Variants in PLD5 observed in about 807,000 individuals in gnomAD.
PLD5 encodes the protein inactive phospholipase D5.
Under a neutral mutation model 61.1 loss-of-function variants are expected in PLD5, and 36 were observed. The observed-to-expected ratio is 0.59, with a 90% CI of 0.45 to 0.78. PLD5 has a LOEUF of 0.78. Ranked by LOEUF, PLD5 falls within the 30% of genes least tolerant of loss-of-function variation. PLD5 has a pLI of 0.00. For missense variants in PLD5, 515 were observed against 644.4 expected, an observed-to-expected ratio of 0.80 and a Z score of 2.17; for synonymous variants, 243 against 242.8, an observed-to-expected ratio of 1.00 and a Z score of -0.01.
At chr1:242,405,402 C>T (rs1664179451) in intron 1 of PLD5, among the ~76,000 whole-genome samples, 1 of 152,120 alleles carries the variant, frequency 6.6e-6, no homozygotes, top group Admixed American at 6.5e-5. Context: ...AGGGATGCTG[C>T]TCATCATCCT....
rs563528694 is a variant in PLD5 at position 242,328,611 on chromosome 1, T to A, written c.326+19495A>T. ...GCCATCCTTAAAACACAGTGATGAG[T>A]TGTAGTTTGCATAGTACATTTGATG... is the stretch of plus-strand genomic sequence containing the variant. On this transcript the variant is annotated intron_variant, in intron 2 of 9. Transcript: ENST00000536534. Among the ~76,000 whole-genome samples, 17 of 152,220 alleles carry A rather than the reference T, an allele frequency of 1.1e-4. No individual in the cohort carries two copies. In the South Asian group the frequency reaches 3.3e-3, roughly 30 times the overall value.
intron 4 of PLD5, among the ~76,000 whole-genome samples, chr1:242,248,287 G>T (rs367834542): frequency 6.6e-6 from 1 of 151,974 alleles, no homozygotes; most frequent in Non-Finnish European, 1.5e-5. Flanking sequence ...TCTTGAAACC[G>T]CTTACTATTG....
intron 2 of PLD5, among the ~76,000 whole-genome samples, chr1:242,332,606 G>A (rs547973882): frequency 9.5e-4 from 145 of 152,148 alleles, no homozygotes; most frequent in African/African-American, 1.9e-3. Flanking sequence ...GTCTCATTGC[G>A]GTTTTGATTT....
At chr1:242,257,543 G>A (rs1032662748) in intron 4 of PLD5, among the ~76,000 whole-genome samples, 48 of 152,108 alleles carry the variant, frequency 3.2e-4, no homozygotes, top group African/African-American at 9.9e-4. Context: ...AATAAGGAGC[G>A]ATCTACCGTA....
At chr1:242,216,927 T>A (rs1255417043) in intron 5 of PLD5, among the ~76,000 whole-genome samples, 1 of 152,238 alleles carries the variant, frequency 6.6e-6, no homozygotes, top group Non-Finnish European at 1.5e-5. Flanking sequence ...ATAAAAATTG[T>A]GGGACCCTTA....
chr1:242,190,138 C>T (rs1158584072), intron 5 of PLD5, among the ~76,000 whole-genome samples: 1 of 74,382 alleles, frequency 1.3e-5, no homozygotes, highest in African/African-American at 5.7e-5. Context: ...GACAGGACTC[C>T]TTTTTTTTTT....
intron 4 of PLD5, among the ~76,000 whole-genome samples, chr1:242,247,078 G>A (rs1672425648): frequency 6.6e-6 from 1 of 151,176 alleles, no homozygotes; most frequent in South Asian, 2.1e-4. Flanking sequence ...CCGCCTCCCG[G>A]GTTCACGCCA....
intron 1 of PLD5, among the ~76,000 whole-genome samples, chr1:242,506,983 C>T (rs1480710901): frequency 1.3e-5 from 2 of 152,114 alleles, no homozygotes; most frequent in African/African-American, 4.8e-5. Context: ...TCAGTAGCAG[C>T]ACGTGTCATG....
chr1:242,529,884 T>C, the PLD5 span, among the ~76,000 whole-genome samples: 1 of 151,740 alleles, frequency 6.6e-6, no homozygotes, highest in Non-Finnish European at 1.5e-5. Flanking sequence ...TTCTTTCTTT[T>C]TGAGACAGAG....
At chr1:242,130,545 T>C (rs752520312) in intron 5 of PLD5, among the ~76,000 whole-genome samples, 13 of 152,358 alleles carry the variant, frequency 8.5e-5, no homozygotes, top group Middle Eastern at 3.4e-3. Context: ...ATAGAGGTTG[T>C]ATTAACTTAC....
intron 5 of PLD5, among the ~76,000 whole-genome samples, chr1:242,165,326 T>G (rs1666222614): frequency 6.6e-6 from 1 of 152,114 alleles, no homozygotes; most frequent in Non-Finnish European, 1.5e-5. Flanking sequence ...AGTTATAACT[T>G]TTATTTATGG....
chr1:242,475,874 C>T (rs1667581773), intron 1 of PLD5, among the ~76,000 whole-genome samples: 1 of 152,120 alleles, frequency 6.6e-6, no homozygotes, highest in South Asian at 2.1e-4. Flanking sequence ...GGAGGGTGGC[C>T]ACCTGCCAGC....
chr1:242,269,753 T>C (rs1276462988), intron 3 of PLD5, among the ~76,000 whole-genome samples: 6 of 152,170 alleles, frequency 3.9e-5, no homozygotes, highest in African/African-American at 1.2e-4. Context: ...TGTCCTGTTA[T>C]ACAGGTAAGA....
chr1:242,130,702 G>A (rs536715616), intron 5 of PLD5, among the ~76,000 whole-genome samples: 1 of 152,290 alleles, frequency 6.6e-6, no homozygotes, highest in Admixed American at 6.5e-5. Context: ...TCCAGCCTCT[G>A]TGGCCGACCA....
intron 1 of PLD5, among the ~76,000 whole-genome samples, chr1:242,447,070 C>T (rs966794482): frequency 2.6e-5 from 4 of 152,220 alleles, no homozygotes; most frequent in Non-Finnish European, 5.9e-5. Flanking sequence ...GGGTTTAAAA[C>T]ACTCAGCACA....
Position 242,100,800 on chromosome 1 carries a change from A to AAG in PLD5, c.1240-19_1240-18insCT, listed in dbSNP as rs1553298228. ...AAAAATTTCTGTAAGAAAAAAAAAA[A>AAG]GGGGGCAGGTAAATAAGAGGAACGT... On this transcript the variant is annotated intron_variant, in intron 8 of 9. Coordinates refer to ENST00000536534, the MANE Select transcript of PLD5 (RefSeq NM_001372062.1). 9.5e-6 allele frequency: 14 copies of AAG among 1,479,758 alleles called. No homozygotes were observed. Among genetic ancestry groups the AAG allele is most frequent in the African/African-American group, 1.4e-5 (1 of 71,556 alleles). The allele number at this position is 1,479,758 out of a possible 1,614,324, so 91.7% of individuals were successfully genotyped here.
chr1:242,419,061 A>C (rs2149296432), intron 1 of PLD5, among the ~76,000 whole-genome samples: 1 of 152,352 alleles, frequency 6.6e-6, no homozygotes, highest in East Asian at 1.9e-4. Context: ...TGCTTAGAAA[A>C]GCTTTAATGC....
At chr1:242,223,121 G>T (rs1670705261) in intron 4 of PLD5, among the ~76,000 whole-genome samples, 1 of 152,130 alleles carries the variant, frequency 6.6e-6, no homozygotes, top group Non-Finnish European at 1.5e-5. Flanking sequence ...CGACTTTCTG[G>T]TTCACAGAGG....
At chr1:242,417,358 A>T (rs113492381) in intron 1 of PLD5, among the ~76,000 whole-genome samples, 6 of 152,182 alleles carry the variant, frequency 3.9e-5, no homozygotes, top group African/African-American at 1.4e-4. Context: ...GTTCCATGTC[A>T]GTTTACCATT....
Sources: gnomAD v4.1 joint callset for allele counts (sites outside exome capture counted in the v4.1 genomes callset) on GRCh38, gnomAD v4.1.1 for gene constraint, MANE v1.5 for transcripts, NCBI Gene and HGNC (gene_info 2026-07-23, HGNC 2026-07-21) for gene names.